The following CDH3 variants were observed in gnomAD, a reference collection of about 807,000 sequenced individuals.
CDH3 encodes cadherin-3.
CDH3 carries 54 observed loss-of-function variants against 82.0 expected under a neutral mutation model. The ratio of observed to expected loss-of-function variants is 0.66; its 90% CI spans 0.53 to 0.83. CDH3 has a LOEUF of 0.83. Among genes scored for constraint, CDH3 ranks in the 40% least tolerant of loss-of-function variants. The probability of loss-of-function intolerance (pLI) is 0.00; values close to 1 mark genes in which losing one functional copy is unlikely to be tolerated. For missense variants in CDH3, 1,054 were observed against 1,084.6 expected, an observed-to-expected ratio of 0.97 and a Z score of 0.40; for synonymous variants, 446 against 437.9, an observed-to-expected ratio of 1.02 and a Z score of -0.23.
At chr16:68,662,994 T>C (rs1960634206) in intron 2 of CDH3, among the ~76,000 whole-genome samples, 1 of 143,370 alleles carries the variant, frequency 7.0e-6, no homozygotes, top group Non-Finnish European at 1.5e-5. Flanking sequence ...TTAGCCTCCC[T>C]TATAGCTGGG....
chr16:68,645,310 A>G lies in CDH3; in HGVS notation c.-70A>G. Reference sequence around the variant, plus strand: ...CTGGCTCCCGGGGGCTGCGGTGCTCAAAGGGGCAAGAGCTGAGCGGAACAC... The same window carrying G: ...CTGGCTCCCGGGGGCTGCGGTGCTCGAAGGGGCAAGAGCTGAGCGGAACAC... On this transcript the variant is annotated 5_prime_UTR_variant, in exon 1 of 16. Coordinates refer to ENST00000264012, the MANE Select transcript of CDH3 (RefSeq NM_001793.6). The G allele has an allele frequency of 1.3e-6, 2 of 1,529,704 alleles. No individual in the cohort carries two copies. The highest frequency in any genetic ancestry group is 2.3e-5 in the East Asian group (1 of 43,428). The allele number at this position is 1,529,704 out of a possible 1,614,324, so 94.8% of individuals were successfully genotyped here. A position where few individuals can be genotyped will look rare whatever the true frequency, so the allele number is the denominator to read the frequency against.
At position 68,682,309 on chromosome 16, in the gene CDH3, C is replaced by A; in HGVS notation, c.1004C>A (p.Ala335Asp). 6.2e-7 allele frequency: 1 copy of A among 1,613,716 alleles called. No individual in the cohort carries two copies. The highest frequency in any genetic ancestry group is 8.5e-7 in the Non-Finnish European group (1 of 1,179,944). ...APMFDPQKYE[A>D]HVPENAVGHE... ...TGCTTCTCACACTGACAGTACGAGG[C>A]CCATGTGCCTGAGAATGCAGTGGGC... is the stretch of plus-strand genomic sequence containing the variant. Residue 335 changes from alanine (A) to aspartate (D), a missense_variant, in exon 9 of 16, where the codon GCC becomes GAC. Transcript: ENST00000264012.
At chr16:68,651,673 T>C (rs779684823) in intron 2 of CDH3, 215 of 509,176 alleles carry the variant, frequency 4.2e-4, no homozygotes, top group Non-Finnish European at 7.0e-4. Flanking sequence ...TAGCTGACTA[T>C]GGCCTTGATG....
intron 1 of CDH3, among the ~76,000 whole-genome samples, chr16:68,718,517 T>C (rs551829372): frequency 4.2e-4 from 64 of 151,910 alleles, no homozygotes; most frequent in African/African-American, 1.5e-3. Flanking sequence ...CCATCTCTAC[T>C]AAAAATACAA....
At chr16:68,650,490 G>A (rs921655254) in intron 2 of CDH3, among the ~76,000 whole-genome samples, 3 of 152,062 alleles carry the variant, frequency 2.0e-5, no homozygotes, top group Admixed American at 6.6e-5. Context: ...TAGTAGAGAC[G>A]GGGTTTTATC....
chr16:68,713,257 T>G (rs1962052735), intron 1 of CDH3, among the ~76,000 whole-genome samples: 1 of 152,186 alleles, frequency 6.6e-6, no homozygotes, highest in Non-Finnish European at 1.5e-5. Flanking sequence ...CCTGTCTCTT[T>G]TGCCCCACTA....
Position 68,695,307 on chromosome 16 carries a change from G to A in CDH3, c.2055G>A (p.Glu685=), listed in dbSNP as rs1340391079. ...LLVRKKRKIK[E]PLLLPEDDTR... is the part of the protein sequence containing the mutation. ...TGAGAAAGAAGCGGAAGATCAAGGA[G>A]CCCCTCCTACTCCCAGAAGATGACA... is the stretch of plus-strand genomic sequence containing the variant. The change falls in exon 14 of 16, where the codon GAG becomes GAA. Residue 685 remains glutamate (E), a synonymous_variant. Coordinates refer to ENST00000264012, the MANE Select transcript of CDH3 (RefSeq NM_001793.6). 1 of 1,614,094 alleles carries A rather than the reference G, an allele frequency of 6.2e-7. No homozygotes were observed. Among genetic ancestry groups the A allele is most frequent in the South Asian group, 1.1e-5 (1 of 91,072 alleles).
At chr16:68,660,452 G>T (rs2152093146) in intron 2 of CDH3, among the ~76,000 whole-genome samples, 1 of 152,258 alleles carries the variant, frequency 6.6e-6, no homozygotes, top group East Asian at 1.9e-4. Flanking sequence ...AATTCAAAGT[G>T]CATTTTTTTC....
chr16:68,684,093 C>T (rs1323487889), intron 9 of CDH3, among the ~76,000 whole-genome samples: 2 of 142,582 alleles, frequency 1.4e-5, no homozygotes, highest in African/African-American at 2.6e-5. Flanking sequence ...AAGCTGGGTG[C>T]GGTGGCACAC....
intron 2 of CDH3, chr16:68,651,481 T>A: frequency 1.9e-6 from 1 of 515,084 alleles, no homozygotes; most frequent in East Asian, 5.1e-5. Flanking sequence ...CCGGCCTTCA[T>A]GGTGTTCTAG....
At chr16:68,729,808 A>G (rs1276470630), downstream of CDH3, among the ~76,000 whole-genome samples, 1 of 151,004 alleles carries the variant, frequency 6.6e-6, no homozygotes, top group African/African-American at 2.4e-5. Context: ...TTTTTTTTTT[A>G]ATTTTTTGTA....
At chr16:68,684,528 C>T in intron 9 of CDH3, 55 bp from the exon 10 acceptor site, 1 of 1,610,080 alleles carries the variant, frequency 6.2e-7, no homozygotes. Flanking sequence ...AACTGTCCTG[C>T]ACAGGACCTC....
chr16:68,694,183 G>A (rs1480148949), intron 13 of CDH3, among the ~76,000 whole-genome samples: 1 of 151,450 alleles, frequency 6.6e-6, no homozygotes, highest in East Asian at 1.9e-4. Context: ...TAAATAAATG[G>A]GCCCCTGTAA....
At chr16:68,664,862 C>A (rs1378305528) in intron 2 of CDH3, among the ~76,000 whole-genome samples, 1 of 151,998 alleles carries the variant, frequency 6.6e-6, no homozygotes, top group Non-Finnish European at 1.5e-5. Flanking sequence ...GTTGCCCAGG[C>A]TGGTCTCAAA....
intron 2 of CDH3, among the ~76,000 whole-genome samples, chr16:68,670,450 C>T (rs1183921127): frequency 2.0e-5 from 3 of 152,014 alleles, no homozygotes; most frequent in Non-Finnish European, 2.9e-5. Context: ...TGGGGGTCTA[C>T]ACATTCCCGG....
chr16:68,710,218 A>G (rs1324991449), intron 1 of CDH3, among the ~76,000 whole-genome samples: 1 of 152,212 alleles, frequency 6.6e-6, no homozygotes, highest in Non-Finnish European at 1.5e-5. Flanking sequence ...AGCTCCTGTC[A>G]TGTGGACCCT....
At chr16:68,714,317 C>T (rs571436428) in intron 1 of CDH3, among the ~76,000 whole-genome samples, 1 of 152,238 alleles carries the variant, frequency 6.6e-6, no homozygotes, top group South Asian at 2.1e-4. Context: ...AGCACAGGAC[C>T]TGAGACCCAG....
rs1472313022 is a variant in CDH3 at position 68,650,326 on chromosome 16, C to T, written c.160+4576C>T. Among the ~76,000 whole-genome samples the T allele has an allele frequency of 2.6e-5, 4 of 152,026 alleles. No homozygotes were observed. The South Asian group carries it at 6.2e-4, about 24-fold the overall frequency. The stretch of plus-strand genomic sequence containing the variant: ...ATATATATTTTTTCTTTTTTTGAGA[C>T]GGAGTTTTGCTCTTGTTGCCCAGGC... On this transcript the variant is annotated intron_variant, in intron 2 of 15. Coordinates refer to ENST00000264012, the MANE Select transcript of CDH3 (RefSeq NM_001793.6).
Position 68,695,801 on chromosome 16 carries a change from CG to C in CDH3, c.2159del (p.Arg720GlnfsTer39). ...GGACTATGACATCACCCAGCTCCAC[CG>C]AGGTCTGGAGGCCAGGCCGGAGGTG... ...DQDYDITQLH[R>X]GLEARPEVVL... On this transcript the variant is annotated frameshift_variant, in exon 15 of 16. Coordinates refer to ENST00000264012, the MANE Select transcript of CDH3 (RefSeq NM_001793.6). LOFTEE classifies it high-confidence loss of function. 1 of 1,614,130 alleles carries C rather than the reference CG, an allele frequency of 6.2e-7. No individual in the cohort carries two copies. The highest frequency in any genetic ancestry group is 8.5e-7 in the Non-Finnish European group (1 of 1,180,022).
Sources: allele counts gnomAD v4.1 joint callset (sites outside exome capture counted in the v4.1 genomes callset), GRCh38; gene constraint gnomAD v4.1.1; transcripts MANE v1.5; gene names NCBI Gene and HGNC (gene_info 2026-07-23, HGNC 2026-07-21).